The following MYO1E variants were observed in gnomAD, a reference collection of about 807,000 sequenced individuals.
The protein encoded by MYO1E is unconventional myosin-Ie.
MYO1E carries 68 observed loss-of-function variants against 151.1 expected under a neutral mutation model. The observed-to-expected ratio is 0.45, with a 90% CI of 0.37 to 0.55. The LOEUF is 0.55. Among genes scored for constraint, MYO1E ranks in the 20% least tolerant of loss-of-function variants. MYO1E has a pLI of 0.00. For synonymous variants in MYO1E, 601 were observed against 501.7 expected (o/e 1.20, Z -2.64); for missense variants, 1,363 against 1,389.3 (o/e 0.98, Z 0.30).
At chr15:59,248,855 C>A (rs1372994442) in intron 4 of MYO1E, among the ~76,000 whole-genome samples, 1 of 152,222 alleles carries the variant, frequency 6.6e-6, no homozygotes, top group Non-Finnish European at 1.5e-5. Flanking sequence ...TCAGAATTCA[C>A]CCCTCTATCC....
At position 59,314,011 on chromosome 15, in the gene MYO1E, G is replaced by A. The variant is rs1162535646; in HGVS notation, c.4-41562C>T. Among the ~76,000 whole-genome samples the A allele has an allele frequency of 2.0e-5, 3 of 152,352 alleles. No homozygotes were observed. The South Asian group carries it at 6.2e-4, about 32-fold the overall frequency. On this transcript the variant is annotated intron_variant, in intron 1 of 27. Coordinates refer to ENST00000288235, the MANE Select transcript of MYO1E (RefSeq NM_004998.4). Reference sequence around the variant, plus strand: ...AGCTAAACCTGCTCTGCAAACACAAGTGACTGCATCATTCATGCTTTCAGG... The same window carrying A: ...AGCTAAACCTGCTCTGCAAACACAAATGACTGCATCATTCATGCTTTCAGG...
At chr15:59,185,741 G>C (rs1312918537) in intron 18 of MYO1E, among the ~76,000 whole-genome samples, 1 of 152,168 alleles carries the variant, frequency 6.6e-6, no homozygotes, top group Non-Finnish European at 1.5e-5. Flanking sequence ...ATTTAAAAAT[G>C]ATTATCTAAG....
chr15:59,288,487 C>A (rs1156965007), intron 1 of MYO1E, among the ~76,000 whole-genome samples: 1 of 152,144 alleles, frequency 6.6e-6, no homozygotes, highest in Non-Finnish European at 1.5e-5. Context: ...CCGTTCAGTG[C>A]TTTTGAGTAC....
intron 1 of MYO1E, among the ~76,000 whole-genome samples, chr15:59,338,625 T>G (rs1351913149): frequency 1.3e-5 from 2 of 152,076 alleles, no homozygotes; most frequent in Non-Finnish European, 2.9e-5. Context: ...CCTGCTAAGC[T>G]GGGAAAAACA....
chr15:59,194,453 G>A (rs1231330672), intron 17 of MYO1E, among the ~76,000 whole-genome samples: 1 of 152,216 alleles, frequency 6.6e-6, no homozygotes, highest in Admixed American at 6.5e-5. Context: ...TGGCAGGAAG[G>A]AAAATGGACA....
intron 1 of MYO1E, among the ~76,000 whole-genome samples, chr15:59,295,704 G>A (rs769425522): frequency 1.3e-5 from 2 of 152,266 alleles, no homozygotes; most frequent in Non-Finnish European, 2.9e-5. Flanking sequence ...GGAGGGCGGA[G>A]AGCAGGTATA....
At chr15:59,346,805 T>C (rs2080796538) in intron 1 of MYO1E, among the ~76,000 whole-genome samples, 1 of 151,964 alleles carries the variant, frequency 6.6e-6, no homozygotes, top group Non-Finnish European at 1.5e-5. Flanking sequence ...TAGTTCCAGC[T>C]ACTCAGGAGG....
At chr15:59,221,952 G>C (rs2079958907) in intron 9 of MYO1E, among the ~76,000 whole-genome samples, 1 of 152,166 alleles carries the variant, frequency 6.6e-6, no homozygotes, top group Admixed American at 6.5e-5. Flanking sequence ...AAATATATGT[G>C]CATTTGTTAA....
At position 59,253,012 on chromosome 15, in the gene MYO1E, C is replaced by T. The variant is rs922783052; in HGVS notation, c.332+3272G>A. The stretch of plus-strand genomic sequence containing the variant: ...AGAAGGAAACCAACAGAGCCTACTG[C>T]GGTCATGTCCAAAGGACATAAGAGC... On this transcript the variant is annotated intron_variant, in intron 4 of 27. Coordinates refer to ENST00000288235, the MANE Select transcript of MYO1E (RefSeq NM_004998.4). Among the ~76,000 whole-genome samples the T allele has an allele frequency of 3.9e-5, 6 of 152,186 alleles. No individual in the cohort carries two copies. In the South Asian group the frequency reaches 1.0e-3, roughly 26 times the overall value.
chr15:59,168,099 T>C (rs2079572296), intron 22 of MYO1E, among the ~76,000 whole-genome samples: 1 of 152,198 alleles, frequency 6.6e-6, no homozygotes, highest in African/African-American at 2.4e-5. Context: ...GATCCTATTT[T>C]TTCTTGTAAA....
chr15:59,222,176 A>G lies in MYO1E; in HGVS notation c.910+883T>C, dbSNP rs1310837476. On this transcript the variant is annotated intron_variant, in intron 9 of 27. Coordinates refer to ENST00000288235, the MANE Select transcript of MYO1E (RefSeq NM_004998.4). ...GAAAAGAAAACAAAAACATAAAAAA[A>G]GAACCTTATTTGGAATGGAAATATC... 2.0e-5 allele frequency among the ~76,000 whole-genome samples: 3 copies of G among 152,374 alleles called. No individual in the cohort carries two copies. The East Asian group carries it at 5.8e-4, about 29-fold the overall frequency.
intron 15 of MYO1E, among the ~76,000 whole-genome samples, chr15:59,204,476 A>C (rs2079820588): frequency 1.3e-5 from 2 of 152,364 alleles, no homozygotes; most frequent in Middle Eastern, 3.4e-3. Flanking sequence ...TACTTGAAAG[A>C]AGCTCTAGAA....
intron 1 of MYO1E, among the ~76,000 whole-genome samples, chr15:59,296,129 G>C (rs1009067889): frequency 7.9e-5 from 12 of 152,134 alleles, no homozygotes; most frequent in Non-Finnish European, 8.8e-5. Flanking sequence ...CCTAAAGAAA[G>C]GGCAAAATTA....
At chr15:59,212,267 A>C (rs2140341330) in intron 12 of MYO1E, among the ~76,000 whole-genome samples, 1 of 151,916 alleles carries the variant, frequency 6.6e-6, no homozygotes, top group African/African-American at 2.4e-5. Context: ...GTAGGGACTT[A>C]GATGGCAATG....
chr15:59,367,926 C>G (rs993151856), intron 1 of MYO1E, among the ~76,000 whole-genome samples: 4 of 152,182 alleles, frequency 2.6e-5, no homozygotes, highest in Admixed American at 2.6e-4. Flanking sequence ...TTGAGACCAG[C>G]CTGGCCAACA....
chr15:59,304,144 A>G (rs2080501045), intron 1 of MYO1E, among the ~76,000 whole-genome samples: 3 of 151,918 alleles, frequency 2.0e-5, no homozygotes, highest in Admixed American at 2.0e-4. Flanking sequence ...CGCCACGCCT[A>G]GCTAATTTTT....
intron 26 of MYO1E, among the ~76,000 whole-genome samples, chr15:59,145,098 T>C (rs543331206): frequency 1.1e-4 from 17 of 151,568 alleles, no homozygotes; most frequent in Non-Finnish European, 1.9e-4. Flanking sequence ...CTGCCTCAGC[T>C]TCCCAAAGTG....
At chr15:59,220,927 A>AAAAAAAAAAAAAAAAAAAAAT in intron 9 of MYO1E, among the ~76,000 whole-genome samples, 1 of 5,166 alleles carries the variant, frequency 1.9e-4, no homozygotes. Context: ...CCATCTCTTA[A>AAAAAAAAAAAAAAAAAAAAAT]AAAAAAAAAA....
intron 25 of MYO1E, among the ~76,000 whole-genome samples, chr15:59,157,500 C>T (rs1203554073): frequency 2.0e-5 from 3 of 152,144 alleles, no homozygotes; most frequent in African/African-American, 7.2e-5. Flanking sequence ...ATGAACAATT[C>T]CTAAGGCTTA....
Sources: gnomAD v4.1 joint callset for allele counts (sites outside exome capture counted in the v4.1 genomes callset) on GRCh38, gnomAD v4.1.1 for gene constraint, MANE v1.5 for transcripts, NCBI Gene and HGNC (gene_info 2026-07-23, HGNC 2026-07-21) for gene names.